ROBO2: variants seen among roughly 807,000 people sequenced by gnomAD.
ROBO2 encodes the protein roundabout homolog 2.
ROBO2 carries 53 observed loss-of-function variants against 160.8 expected under a neutral mutation model. The observed-to-expected ratio is 0.33, with a 90% CI of 0.26 to 0.41. ROBO2 has a LOEUF of 0.41. ROBO2 is among the 10% of genes least tolerant of loss of function. The probability of loss-of-function intolerance (pLI) is 1.00; values close to 1 mark genes in which losing one functional copy is unlikely to be tolerated. For synonymous variants in ROBO2, 664 were observed against 611.7 expected (o/e 1.09, Z -1.26); for missense variants, 1,577 against 1,722.4 (o/e 0.92, Z 1.49).
intron 2 of ROBO2, among the ~76,000 whole-genome samples, chr3:76,878,311 A>T (rs1254557604): frequency 6.6e-6 from 1 of 152,194 alleles, no homozygotes; most frequent in Non-Finnish European, 1.5e-5. Context: ...TAAGCAGCTA[A>T]TGTTAAATGA....
intron 2 of ROBO2, among the ~76,000 whole-genome samples, chr3:76,962,461 A>G (rs1237757472): frequency 6.6e-6 from 1 of 151,986 alleles, no homozygotes; most frequent in Non-Finnish European, 1.5e-5. Context: ...CAACATGGAG[A>G]AAGCCCGTTT....
At chr3:77,184,598 T>C (rs142344949) in intron 2 of ROBO2, among the ~76,000 whole-genome samples, 195 of 151,940 alleles carry the variant, frequency 1.3e-3, no homozygotes, top group African/African-American at 4.0e-3. Flanking sequence ...ATCAGGGAGA[T>C]AGAAGAGAGA....
At chr3:76,671,750 G>T (rs958370339) in intron 2 of ROBO2, among the ~76,000 whole-genome samples, 1 of 151,786 alleles carries the variant, frequency 6.6e-6, no homozygotes, top group African/African-American at 2.4e-5. Context: ...TCTATAATCA[G>T]TACATAAACT....
Position 77,583,011 on chromosome 3 carries a change from G to A in ROBO2, c.2500+2893G>A, listed in dbSNP as rs189294371. Reference sequence around the variant, plus strand: ...AAAGAAATTAGCCGGGCGTGGTGGCGTGCACCTGTAGTCCCAGCTACTCGG... The same window carrying A: ...AAAGAAATTAGCCGGGCGTGGTGGCATGCACCTGTAGTCCCAGCTACTCGG... On this transcript the variant is annotated intron_variant, in intron 16 of 25. Coordinates refer to ENST00000461745, the Ensembl canonical transcript of ROBO2. Among the ~76,000 whole-genome samples the A allele has an allele frequency of 1.3e-3, 200 of 151,594 alleles. 4 individuals carry two copies. The East Asian group carries it at 0.03, about 23-fold the overall frequency.
rs540508399 is a variant in ROBO2, at chr3:76,049,814, G to C, written c.109+112212G>C. ...GGCCTGCTACAAATTTTTCACTCCT[G>C]GTACTACATAGTCCCTCTCTGGAAA... On this transcript the variant is annotated intron_variant, in intron 2 of 26. Coordinates refer to the ROBO2 transcript ENST00000487694. 2.4e-4 allele frequency among the ~76,000 whole-genome samples: 36 copies of C among 152,106 alleles called. No individual in the cohort carries two copies. The South Asian group carries it at 7.5e-3, about 32-fold the overall frequency.
intron 2 of ROBO2, among the ~76,000 whole-genome samples, chr3:76,087,420 C>A (rs918917861): frequency 6.6e-6 from 1 of 151,764 alleles, no homozygotes; most frequent in African/African-American, 2.4e-5. Flanking sequence ...CTGTACCCTG[C>A]AAAATTATCC....
At chr3:76,869,135 A>G (rs1283533144) in intron 2 of ROBO2, among the ~76,000 whole-genome samples, 1 of 152,166 alleles carries the variant, frequency 6.6e-6, no homozygotes, top group Non-Finnish European at 1.5e-5. Flanking sequence ...ACTGAGGCAC[A>G]GATTGCTCAG....
At chr3:76,758,480 T>C (rs1285553903) in intron 2 of ROBO2, among the ~76,000 whole-genome samples, 3 of 151,774 alleles carry the variant, frequency 2.0e-5, no homozygotes, top group Non-Finnish European at 4.4e-5. Flanking sequence ...GTCTCATTGA[T>C]CTTTACAACT....
intron 2 of ROBO2, among the ~76,000 whole-genome samples, chr3:76,428,255 C>T (rs1332644311): frequency 1.3e-5 from 2 of 152,088 alleles, no homozygotes; most frequent in African/African-American, 2.4e-5. Flanking sequence ...ATGAATCCAT[C>T]ACCTAAGAAC....
intron 2 of ROBO2, among the ~76,000 whole-genome samples, chr3:77,102,490 A>G (rs539770446): frequency 6.6e-6 from 1 of 152,370 alleles, no homozygotes; most frequent in Non-Finnish European, 1.5e-5. Flanking sequence ...TAAGTAGTCA[A>G]GAATGTATTG....
At chr3:76,744,469 CCCACCTCAGCCT>C (rs1378736042) in intron 2 of ROBO2, among the ~76,000 whole-genome samples, 1 of 152,130 alleles carries the variant, frequency 6.6e-6, no homozygotes, top group African/African-American at 2.4e-5. Flanking sequence ...CCATGATCCT[CCCACCTCAGCCT>C]CCTGAGTAGC....
At chr3:76,186,504 A>G (rs1162769602) in intron 2 of ROBO2, among the ~76,000 whole-genome samples, 1 of 81,720 alleles carries the variant, frequency 1.2e-5, no homozygotes, top group Non-Finnish European at 2.5e-5. Context: ...ATCTTCCACA[A>G]TGAAAGGAGT....
At chr3:76,887,784 T>C (rs2074023921) in intron 2 of ROBO2, among the ~76,000 whole-genome samples, 1 of 152,176 alleles carries the variant, frequency 6.6e-6, no homozygotes. Flanking sequence ...TATTGAGCTC[T>C]TAATCTCAGG....
chr3:76,524,980 A>T (rs1022010773), intron 2 of ROBO2, among the ~76,000 whole-genome samples: 1 of 151,702 alleles, frequency 6.6e-6, no homozygotes, highest in Non-Finnish European at 1.5e-5. Context: ...AAGCAAGAGA[A>T]TTCAAAGAAA....
intron 2 of ROBO2, among the ~76,000 whole-genome samples, chr3:76,439,636 A>G (rs570799764): frequency 2.1e-4 from 32 of 152,308 alleles, no homozygotes; most frequent in African/African-American, 4.1e-4. Context: ...CTTGTACTCA[A>G]TGAGGGCAAG....
chr3:76,017,375 A>T (rs1425804137), intron 2 of ROBO2, among the ~76,000 whole-genome samples: 2 of 152,078 alleles, frequency 1.3e-5, no homozygotes, highest in Admixed American at 6.6e-5. Flanking sequence ...TTGTTCAAGG[A>T]TTGGTCCTGC....
intron 1 of ROBO2, among the ~76,000 whole-genome samples, chr3:77,075,357 A>G (rs552989717): frequency 1.1e-4 from 17 of 152,292 alleles, no homozygotes; most frequent in Non-Finnish European, 2.1e-4. Flanking sequence ...AACTTCAGTA[A>G]GATTTTAATT....
At position 76,025,357 on chromosome 3, in the gene ROBO2, T is replaced by A. The variant is rs570896674; in HGVS notation, c.109+87755T>A. On this transcript the variant is annotated intron_variant, in intron 2 of 26. Transcript: ENST00000487694. Reference sequence around the variant, plus strand: ...AATTATCCTTATTGGGAAAGATAGCTAGAGAAGGGGAGAGATTGATTTTGA... The same window carrying A: ...AATTATCCTTATTGGGAAAGATAGCAAGAGAAGGGGAGAGATTGATTTTGA... 4.0e-5 allele frequency among the ~76,000 whole-genome samples: 6 copies of A among 151,748 alleles called. No homozygotes were observed. In the South Asian group the frequency reaches 1.2e-3, roughly 31 times the overall value.
At chr3:76,774,763 A>G (rs969552445) in intron 2 of ROBO2, among the ~76,000 whole-genome samples, 7 of 147,732 alleles carry the variant, frequency 4.7e-5, no homozygotes, top group Admixed American at 4.1e-4. Flanking sequence ...TGAATTTCTT[A>G]TTTTTTGCCT....
Sources: allele counts gnomAD v4.1 joint callset (sites outside exome capture counted in the v4.1 genomes callset), GRCh38; gene constraint gnomAD v4.1.1; transcripts MANE v1.5; gene names NCBI Gene and HGNC (gene_info 2026-07-23, HGNC 2026-07-21).